The following FRA10AC1 variants were observed in gnomAD, a reference collection of about 807,000 sequenced individuals.
FRA10AC1 encodes the protein FRA10A associated CGG repeat 1.
A neutral mutation model predicts 56.5 loss-of-function variants in FRA10AC1; 43 were observed. That is an observed-to-expected ratio of 0.76 (90% CI 0.60 to 0.98). The LOEUF (loss-of-function observed/expected upper bound fraction) is 0.98, where lower values mean the gene tolerates loss of function less well. Ranked by LOEUF, FRA10AC1 falls within the 50% of genes least tolerant of loss-of-function variation. The pLI, the probability that FRA10AC1 is intolerant of heterozygous loss-of-function variation, is 0.00. For missense variants in FRA10AC1, 346 were observed against 351.8 expected (o/e 0.98, Z 0.13); for synonymous variants, 112 against 110.5 (o/e 1.01, Z -0.09).
intron 5 of FRA10AC1, among the ~76,000 whole-genome samples, chr10:93,694,458 G>A (rs2059193710): frequency 1.3e-5 from 2 of 152,082 alleles, no homozygotes; most frequent in Non-Finnish European, 2.9e-5. Context: ...GCTCACGCCT[G>A]TAATCCCAGC....
chr10:93,681,148 C>A (rs1399319075), intron 11 of FRA10AC1, among the ~76,000 whole-genome samples: 1 of 152,210 alleles, frequency 6.6e-6, no homozygotes, highest in East Asian at 1.9e-4. Flanking sequence ...CAGGTATGCA[C>A]CTCACCCCTA....
At chr10:93,682,013 C>A (rs2058943743) in intron 10 of FRA10AC1, among the ~76,000 whole-genome samples, 1 of 152,048 alleles carries the variant, frequency 6.6e-6, no homozygotes, top group Non-Finnish European at 1.5e-5. Flanking sequence ...CAGCTCTAAG[C>A]CACCAGTAAA....
intron 7 of FRA10AC1, 132 bp downstream of exon 7, chr10:93,691,877 A>G: frequency 1.1e-6 from 1 of 944,456 alleles, no homozygotes; most frequent in South Asian, 1.9e-5. Flanking sequence ...TCCAAATGAC[A>G]CATCATAAAC....
intron 10 of FRA10AC1, 62 bp downstream of exon 10, chr10:93,683,994 G>T: frequency 2.8e-6 from 3 of 1,063,204 alleles, no homozygotes; most frequent in Non-Finnish European, 2.9e-6. Context: ...GATACTTAGT[G>T]CAGGTAAATG....
intron 11 of FRA10AC1, 96 bp from the exon 12 acceptor site, chr10:93,676,787 T>G (rs2058849897): frequency 1.4e-6 from 2 of 1,410,860 alleles, no homozygotes; most frequent in East Asian, 5.4e-5. Flanking sequence ...TCTAGTTTGC[T>G]TATAGTCTTA....
Position 93,698,365 on chromosome 10 carries a change from GT to G in FRA10AC1, c.108del (p.Lys36AsnfsTer34). On this transcript the variant is annotated frameshift_variant, in exon 3 of 14. Coordinates refer to ENST00000359204, the MANE Select transcript of FRA10AC1 (RefSeq NM_145246.5). LOFTEE classifies it high-confidence loss of function. ...TTTCCATGTTTTTCTTTCTGAAATG[GT>G]TTTTGGAGCAGTAAGTCATCTTCAA... is the stretch of plus-strand genomic sequence containing the variant. The part of the protein sequence containing the change: ...RTVEDDLLLQ[K>X]PFQKEKHGKV... 6.2e-7 allele frequency: 1 copy of G among 1,610,242 alleles called. No individual in the cohort carries two copies.
intron 11 of FRA10AC1, among the ~76,000 whole-genome samples, chr10:93,680,794 T>TTA (rs1350486304): frequency 1.2e-4 from 18 of 152,334 alleles, no homozygotes; most frequent in Admixed American, 3.9e-4. Flanking sequence ...GCTTAATGAA[T>TTA]TATCTCGTTT....
At chr10:93,693,359 C>T (rs1268592085) in intron 5 of FRA10AC1, among the ~76,000 whole-genome samples, 1 of 149,936 alleles carries the variant, frequency 6.7e-6, no homozygotes, top group Non-Finnish European at 1.5e-5. Context: ...AAAAACCTCA[C>T]ATAAAACTAA....
At chr10:93,694,783 C>G (rs1449319261) in intron 5 of FRA10AC1, 78 bp downstream of exon 5, 2 of 506,566 alleles carry the variant, frequency 3.9e-6, no homozygotes, top group African/African-American at 4.7e-5. Flanking sequence ...ATGACAGAAT[C>G]AGAAGGCACA....
Position 93,693,530 on chromosome 10 carries a change from CCATATATATATATAT to C in FRA10AC1, c.297-816_297-802del, listed in dbSNP as rs1564820246. On this transcript the variant is annotated intron_variant, in intron 5 of 13. Coordinates refer to ENST00000359204, the MANE Select transcript of FRA10AC1 (RefSeq NM_145246.5). ...TATACACCATATATATATATATACACCATATATATATATATATACACACATACATACACCATATAT... is the reference window on the plus strand; with the variant it reads ...TATACACCATATATATATATATACACATACACACATACATACACCATATAT... Among the ~76,000 whole-genome samples the C allele has an allele frequency of 2.0e-3, 21 of 10,274 alleles. No homozygotes were observed. The East Asian group carries it at 0.031, about 15-fold the overall frequency. The allele number at this position is 10,274 out of a possible 152,430, so 6.7% of individuals were successfully genotyped here.
At chr10:93,693,170 A>C (rs964286586) in intron 5 of FRA10AC1, among the ~76,000 whole-genome samples, 1 of 148,208 alleles carries the variant, frequency 6.7e-6, no homozygotes, top group African/African-American at 2.4e-5. Context: ...AGAAAGCCAA[A>C]GGGATTGACC....
intron 12 of FRA10AC1, 32 bp downstream of exon 12, chr10:93,676,621 A>G (rs570574934): frequency 3.1e-5 from 48 of 1,541,984 alleles, no homozygotes; most frequent in East Asian, 1.9e-4. Flanking sequence ...CCTCAAATGC[A>G]TATTTTTATT....
chr10:93,682,201 T>A (rs1416053061), intron 10 of FRA10AC1, among the ~76,000 whole-genome samples: 1 of 152,124 alleles, frequency 6.6e-6, no homozygotes, highest in East Asian at 1.9e-4. Context: ...ATTAATTAAT[T>A]TTAATAGGTT....
intron 11 of FRA10AC1, among the ~76,000 whole-genome samples, chr10:93,679,370 A>G (rs190397635): frequency 1.3e-5 from 2 of 152,204 alleles, no homozygotes; most frequent in African/African-American, 4.8e-5. Context: ...GTAATAATGG[A>G]AAGTGTCAGG....
chr10:93,691,610 A>G (rs2059125575), intron 7 of FRA10AC1, among the ~76,000 whole-genome samples: 1 of 152,248 alleles, frequency 6.6e-6, no homozygotes, highest in South Asian at 2.1e-4. Context: ...CTGGATCTCT[A>G]TAAATGGTAA....
At chr10:93,685,949 A>G (rs905115800) in intron 8 of FRA10AC1, among the ~76,000 whole-genome samples, 3 of 151,926 alleles carry the variant, frequency 2.0e-5, no homozygotes, top group Non-Finnish European at 4.4e-5. Context: ...AAATTTTAGA[A>G]TAACTTGACA....
intron 8 of FRA10AC1, among the ~76,000 whole-genome samples, chr10:93,685,876 A>G (rs1207724165): frequency 6.6e-6 from 1 of 151,916 alleles, no homozygotes; most frequent in Non-Finnish European, 1.5e-5. Context: ...TGGCCTTGAA[A>G]ACACATTTAA....
chr10:93,669,812 T>TTC lies in FRA10AC1; in HGVS notation c.*12_*13dup, dbSNP rs779812005. On this transcript the variant is annotated 3_prime_UTR_variant, in exon 14 of 14. Coordinates refer to ENST00000359204, the MANE Select transcript of FRA10AC1 (RefSeq NM_145246.5). Reference sequence around the variant, plus strand: ...AAGTTTCACATTAAGGAGCGGAGGCTTCTCTCTCTCGTCTCATAGAAACAA... The same window carrying TTC: ...AAGTTTCACATTAAGGAGCGGAGGCTTCTCTCTCTCTCGTCTCATAGAAACAA... The TTC allele has an allele frequency of 1.9e-6, 3 of 1,544,814 alleles. No individual in the cohort carries two copies. Among genetic ancestry groups the TTC allele is most frequent in the East Asian group, 4.6e-5 (2 of 43,880 alleles).
At chr10:93,682,435 A>G (rs1243830565) in intron 10 of FRA10AC1, among the ~76,000 whole-genome samples, 1 of 152,252 alleles carries the variant, frequency 6.6e-6, no homozygotes, top group Non-Finnish European at 1.5e-5. Context: ...GTCAAGGTCA[A>G]AACAAATCCC....
Sources: gnomAD v4.1 joint callset for allele counts (sites outside exome capture counted in the v4.1 genomes callset) on GRCh38, gnomAD v4.1.1 for gene constraint, MANE v1.5 for transcripts, NCBI Gene and HGNC (gene_info 2026-07-23, HGNC 2026-07-21) for gene names.